Variants in KIAA2012 observed in about 807,000 individuals in gnomAD.
KIAA2012 encodes the protein KIAA2012.
In KIAA2012, 125 loss-of-function variants were observed where a neutral mutation model predicts 150.6. The observed-to-expected ratio is 0.83, with a 90% CI of 0.72 to 0.96. KIAA2012 has a LOEUF of 0.96. KIAA2012 is among the 40% of genes least tolerant of loss of function. The probability of loss-of-function intolerance (pLI) is 0.00; values close to 1 mark genes in which losing one functional copy is unlikely to be tolerated. For missense variants in KIAA2012, 1,219 were observed against 1,354.9 expected (o/e 0.90, Z 1.57); for synonymous variants, 462 against 504.7 (o/e 0.92, Z 1.13).
In KIAA2012 at chr2:202,105,887, G is replaced by A; in HGVS notation, c.1451G>A (p.Ser484Asn). The A allele has an allele frequency of 6.4e-7, 1 of 1,550,902 alleles. No homozygotes were observed. The highest frequency in any genetic ancestry group is 8.7e-7 in the Non-Finnish European group (1 of 1,147,070). The change falls in exon 9 of 24, where the codon AGC (serine) becomes AAC (asparagine). Residue 484 changes from serine to asparagine, a missense_variant. Physicochemically the swap from Ser to Asn is conservative, Grantham distance 46 (BLOSUM62 1). Transcript: ENST00000498697. Reference sequence around the variant, plus strand: ...ACAGTGCATCTCCCAGTGGACGCGAGCAGGGACACACTCTCACCTCAAGGT... The same window carrying A: ...ACAGTGCATCTCCCAGTGGACGCGAACAGGGACACACTCTCACCTCAAGGT... ...ELTVHLPVDA[S>N]RDTLSPQDDD...
rs17651413 is a variant in KIAA2012 at position 202,104,086 on chromosome 2, A to G, written c.1324+972A>G. On this transcript the variant is annotated intron_variant, in intron 8 of 23. Transcript: ENST00000498697. This position sits in a 1 kb window ranked among gnomAD's most constrained non-coding sequence, Gnocchi z 4.3. ...CTGTTTGGACTTCTTACTGGAAAGAATGCCTAACGGTGGAGCTTAAAAGAC... is the reference window on the plus strand; with the variant it reads ...CTGTTTGGACTTCTTACTGGAAAGAGTGCCTAACGGTGGAGCTTAAAAGAC... Among the ~76,000 whole-genome samples the G allele has an allele frequency of 0.091, 13,898 of 152,266 alleles. 880 individuals are homozygous for G. The highest frequency in any genetic ancestry group is 0.24 in the South Asian group (1,179 of 4,826).
At chr2:202,138,343 G>GGTGT (rs3043926) in intron 12 of KIAA2012, 89 bp from the exon 13 acceptor site, 428,294 of 760,534 alleles carry the variant, frequency 0.56, 113,507 homozygotes, top group African/African-American at 0.67. Flanking sequence ...ATATGAACTA[G>GGTGT]GTGTGTGTGT....
intron 4 of KIAA2012, 96 bp from the exon 5 acceptor site, chr2:202,097,339 T>C (rs867397966): frequency 6.6e-7 from 1 of 1,514,640 alleles, no homozygotes; most frequent in African/African-American, 1.4e-5. Context: ...TTGAGCACTT[T>C]TACTCAGAGA....
chr2:202,073,693 A>G lies in KIAA2012; in HGVS notation c.66A>G (p.Glu22=). ...GKLGQDKQKL[E]VYFEPEDYLN... is the part of the protein sequence containing the mutation. ...TGGGCCAGGACAAACAGAAGTTAGAAGTCTACTTTGAACCAGAGGTGAGTC... is the reference window on the plus strand; with the variant it reads ...TGGGCCAGGACAAACAGAAGTTAGAGGTCTACTTTGAACCAGAGGTGAGTC... The change falls in exon 1 of 24, where the codon GAA becomes GAG. Residue 22 remains glutamate (E), a synonymous_variant. Coordinates refer to ENST00000498697, the MANE Select transcript of KIAA2012 (RefSeq NM_001277372.4). 6.4e-7 allele frequency: 1 copy of G among 1,550,448 alleles called. No homozygotes were observed. The highest frequency in any genetic ancestry group is 2.4e-5 in the East Asian group (1 of 40,904).
At position 202,109,663 on chromosome 2, in the gene KIAA2012, C is replaced by T; in HGVS notation, c.1525C>T (p.Pro509Ser). ...DVAPPLDLLP[P>S]IKGKKSPESQ... is the part of the protein sequence containing the mutation. Reference sequence around the variant, plus strand: ...GGCCCCACCATTGGATCTTCTACCCCCGATTAAAGGAAAAAAAAGTCCTGA... The same window carrying T: ...GGCCCCACCATTGGATCTTCTACCCTCGATTAAAGGAAAAAAAAGTCCTGA... Residue 509 changes from proline to serine, a missense_variant, in exon 10 of 24, where the codon CCG becomes TCG. Coordinates refer to ENST00000498697, the MANE Select transcript of KIAA2012 (RefSeq NM_001277372.4). 1 of 1,550,520 alleles carries T rather than the reference C, an allele frequency of 6.4e-7. No individual in the cohort carries two copies. Among genetic ancestry groups the T allele is most frequent in the Non-Finnish European group, 8.7e-7 (1 of 1,146,904 alleles).
rs1197783422 is a variant in KIAA2012 at position 202,105,813 on chromosome 2, G to A, written c.1377G>A (p.Val459=). Residue 459 remains valine (V), a synonymous_variant, in exon 9 of 24, where the codon GTG becomes GTA. Transcript: ENST00000498697. ...EPESSEESTP[V]WRPPLKHASL... ...AAAGCAGCGAAGAATCCACACCTGT[G>A]TGGAGACCTCCCCTGAAGCATGCGT... 2.6e-6 allele frequency: 4 copies of A among 1,550,570 alleles called. No homozygotes were observed. Among genetic ancestry groups the A allele is most frequent in the Non-Finnish European group, 3.5e-6 (4 of 1,147,034 alleles).
In KIAA2012 at chr2:202,117,880, T is replaced by C. The variant is rs77748344; in HGVS notation, c.1762+4434T>C. ...GGATATGCACTGTTTCCCAAACTTA[T>C]TTGATCACTGAATCCCTTTGTTTTT... On this transcript the variant is annotated intron_variant, in intron 11 of 23. Coordinates refer to ENST00000498697, the MANE Select transcript of KIAA2012 (RefSeq NM_001277372.4). Among the ~76,000 whole-genome samples, 13 of 152,348 alleles carry C rather than the reference T, an allele frequency of 8.5e-5. No homozygotes were observed. In the East Asian group the frequency reaches 2.3e-3, roughly 27 times the overall value.
chr2:202,096,432 AC>A (rs1689888141), intron 4 of KIAA2012, among the ~76,000 whole-genome samples: 1 of 151,832 alleles, frequency 6.6e-6, no homozygotes, highest in Non-Finnish European at 1.5e-5. Context: ...TTCCACCAAC[AC>A]TCAGCCTCAG....
chr2:202,141,142 G>A lies in KIAA2012; in HGVS notation c.1908+2634G>A, dbSNP rs139460169. ...TGGAGGCTTCTGCAGAGGCCCTACC[G>A]CTGTGATGGGAGAGCCTTCACCTTG... On this transcript the variant is annotated intron_variant, in intron 13 of 23. Transcript: ENST00000498697. 3.9e-3 allele frequency among the ~76,000 whole-genome samples: 592 copies of A among 152,260 alleles called. 2 individuals carry two copies. The highest frequency in any genetic ancestry group is 0.01 in the African/African-American group (436 of 41,550).
intron 2 of KIAA2012, among the ~76,000 whole-genome samples, chr2:202,084,378 A>G (rs1183556720): frequency 6.6e-6 from 1 of 152,216 alleles, no homozygotes; most frequent in African/African-American, 2.4e-5. Flanking sequence ...GGGAAGGGAC[A>G]GTTACACAGG....
At chr2:202,193,123 T>C (rs71425923) in intron 19 of KIAA2012, among the ~76,000 whole-genome samples, 178 bp from the exon 20 acceptor site, 16,628 of 152,236 alleles carry the variant, frequency 0.11, 1,072 homozygotes, top group Non-Finnish European at 0.13. Flanking sequence ...GAATCCAGGT[T>C]AATCAGACCC....
chr2:202,103,317 C>T (rs1453488298), intron 8 of KIAA2012, among the ~76,000 whole-genome samples: 2 of 151,952 alleles, frequency 1.3e-5, no homozygotes, highest in Non-Finnish European at 2.9e-5. Context: ...TTTATTATAC[C>T]CTTCATTAAG....
chr2:202,087,709 A>T (rs1398703548), intron 2 of KIAA2012, among the ~76,000 whole-genome samples: 1 of 152,022 alleles, frequency 6.6e-6, no homozygotes, highest in African/African-American at 2.4e-5. Context: ...TAGGCTTGTT[A>T]GTGCATGTTC....
intron 2 of KIAA2012, among the ~76,000 whole-genome samples, chr2:202,079,592 C>T (rs1281129512): frequency 1.3e-5 from 2 of 152,208 alleles, no homozygotes; most frequent in African/African-American, 2.4e-5. Flanking sequence ...CAGCATACAT[C>T]CACCCTTGAA....
At position 202,125,626 on chromosome 2, in the gene KIAA2012, C is replaced by T. The variant is rs576491013; in HGVS notation, c.1831+344C>T. On this transcript the variant is annotated intron_variant, in intron 12 of 23. Coordinates refer to ENST00000498697, the MANE Select transcript of KIAA2012 (RefSeq NM_001277372.4). ...CCCTAAATAATGAGGTAGACATTGT[C>T]CCCTGGAGTCGTGCATCCCTCAGCC... Among the ~76,000 whole-genome samples, 238 of 152,204 alleles carry T rather than the reference C, an allele frequency of 1.6e-3. 3 individuals carry two copies. The highest frequency in any genetic ancestry group is 3.4e-3 in the Middle Eastern group (1 of 294).
chr2:202,086,294 G>A (rs1308229380), intron 2 of KIAA2012, among the ~76,000 whole-genome samples: 3 of 152,094 alleles, frequency 2.0e-5, no homozygotes, highest in African/African-American at 7.2e-5. Context: ...CAGCATCTTG[G>A]AAGAGGCTGG....
rs1402286675 is a variant in KIAA2012, at chr2:202,090,949, G to C, written c.529+20G>C. ...GCGCAGGTCAGTGGGGAAATGGGAG[G>C]GGGGCACACCCCAAACTGCCCCACC... On this transcript the variant is annotated intron_variant, in intron 3 of 23. Coordinates refer to ENST00000498697, the MANE Select transcript of KIAA2012 (RefSeq NM_001277372.4). 13 of 1,529,716 alleles carry C rather than the reference G, an allele frequency of 8.5e-6. No individual in the cohort carries two copies. Among genetic ancestry groups the C allele is most frequent in the African/African-American group, 5.5e-5 (4 of 72,624 alleles). 94.8% of individuals were successfully genotyped at this position (1,529,716 alleles called of 1,614,324 possible).
chr2:202,074,763 A>G (rs1051464811), intron 1 of KIAA2012, 128 bp from the exon 2 acceptor site: 2 of 955,822 alleles, frequency 2.1e-6, no homozygotes, highest in East Asian at 2.6e-5. Context: ...ATTGTGTTCC[A>G]TAACACCATG....
chr2:202,115,248 C>T (rs1056291482), intron 11 of KIAA2012: 1 of 152,004 alleles, frequency 6.6e-6, no homozygotes, highest in Non-Finnish European at 1.5e-5. Context: ...TTGCACCAAC[C>T]TATAATTGCT....
Sources: allele counts gnomAD v4.1 joint callset (sites outside exome capture counted in the v4.1 genomes callset), GRCh38; gene constraint gnomAD v4.1.1; non-coding constraint Gnocchi (gnomAD v3.1); transcripts MANE v1.5; gene names NCBI Gene and HGNC (gene_info 2026-07-23, HGNC 2026-07-21).